RCC1L: variants seen among roughly 807,000 people sequenced by gnomAD.
RCC1L encodes RCC1 like, also known as RCC1-like G exchanging factor-like protein.
RCC1L carries 46 observed loss-of-function variants against 58.6 expected under a neutral mutation model. The observed-to-expected ratio is 0.79, with a 90% CI of 0.62 to 1.00. The LOEUF is 1.00. Ranked by LOEUF, RCC1L falls within the 50% of genes least tolerant of loss-of-function variation. RCC1L has a pLI of 0.00. For missense variants in RCC1L, 636 were observed against 623.6 expected (o/e 1.02, Z -0.21); for synonymous variants, 281 against 262.9 (o/e 1.07, Z -0.67).
chr7:75,041,953 C>T (rs2131975314), downstream of RCC1L, among the ~76,000 whole-genome samples: 1 of 151,990 alleles, frequency 6.6e-6, no homozygotes, highest in Admixed American at 6.6e-5. Flanking sequence ...CACGGTAGCT[C>T]ACACCTATAA....
At position 75,062,498 on chromosome 7, in the gene RCC1L, A is replaced by G. The variant is rs1584500618; in HGVS notation, c.702+794T>C. Among the ~76,000 whole-genome samples, 5 of 152,148 alleles carry G rather than the reference A, an allele frequency of 3.3e-5. No individual in the cohort carries two copies. The South Asian group carries it at 8.3e-4, about 25-fold the overall frequency. On this transcript the variant is annotated intron_variant, in intron 5 of 10. Coordinates refer to ENST00000610322, the MANE Select transcript of RCC1L (RefSeq NM_030798.5). ...ATTCCAGCCTAGGCAACAGAATGAG[A>G]CCCTGCCTCTAAAAAATTTCCAAAT...
At chr7:75,051,317 C>T (rs1232633430) in intron 10 of RCC1L, among the ~76,000 whole-genome samples, 2 of 148,356 alleles carry the variant, frequency 1.3e-5, no homozygotes, top group African/African-American at 2.5e-5. Flanking sequence ...TATATACACA[C>T]ATATATACAC....
At position 75,042,392 on chromosome 7, in the gene RCC1L, GCTT is replaced by G. The variant is rs1389213641; in HGVS notation, c.*637_*639del. The stretch of plus-strand genomic sequence containing the variant: ...TTGGCCTCGATTCTCTTCCTGAGGG[GCTT>G]CTTAACTTTTCCAAGCCAGGCAGTG... On this transcript the variant is annotated 3_prime_UTR_variant, in exon 11 of 11. Coordinates refer to ENST00000610322, the MANE Select transcript of RCC1L (RefSeq NM_030798.5). 2.3e-5 allele frequency: 23 copies of G among 985,922 alleles called. No individual in the cohort carries two copies. The highest frequency in any genetic ancestry group is 2.6e-5 in the Non-Finnish European group (22 of 830,382). 61.1% of individuals were successfully genotyped at this position (985,922 alleles called of 1,614,324 possible). A position where few individuals can be genotyped will look rare whatever the true frequency, so the allele number is the denominator to read the frequency against.
In RCC1L at chr7:75,071,768, C is replaced by T. The variant is rs587736032; in HGVS notation, c.325-999G>A. On this transcript the variant is annotated intron_variant, in intron 1 of 10. Coordinates refer to ENST00000610322, the MANE Select transcript of RCC1L (RefSeq NM_030798.5). ...CAACTGTGTGATCTGAGATAGATTA[C>T]TTTACCTCTATATCTGTTTCTCCTT... Among the ~76,000 whole-genome samples the T allele has an allele frequency of 2.0e-5, 3 of 152,246 alleles. No homozygotes were observed. The East Asian group carries it at 5.8e-4, about 29-fold the overall frequency.
At chr7:75,029,749 G>A (rs1433958933) in intron 10 of RCC1L, among the ~76,000 whole-genome samples, 1 of 152,198 alleles carries the variant, frequency 6.6e-6, no homozygotes, top group Non-Finnish European at 1.5e-5. Context: ...GAGCATTGGA[G>A]ACATTGGTTA....
chr7:75,031,293 G>A (rs1805296812), intron 10 of RCC1L, among the ~76,000 whole-genome samples: 1 of 152,094 alleles, frequency 6.6e-6, no homozygotes, highest in Non-Finnish European at 1.5e-5. Flanking sequence ...TGGCGTGCCC[G>A]GGTCACCAGC....
At chr7:75,047,678 C>T (rs1158286849) in intron 10 of RCC1L, among the ~76,000 whole-genome samples, 1 of 151,436 alleles carries the variant, frequency 6.6e-6, no homozygotes, top group Non-Finnish European at 1.5e-5. Flanking sequence ...GACAGAGTAT[C>T]ACTCTGTCGC....
intron 10 of RCC1L, among the ~76,000 whole-genome samples, chr7:75,033,498 C>T (rs1274943379): frequency 1.3e-5 from 2 of 152,026 alleles, no homozygotes; most frequent in Non-Finnish European, 2.9e-5. Flanking sequence ...GGTTCGAGAC[C>T]AGCCTGGCCA....
At chr7:75,058,278 C>T (rs1391170356) in intron 7 of RCC1L, 1 of 365,896 alleles carries the variant, frequency 2.7e-6, no homozygotes, top group Non-Finnish European at 5.2e-6. Flanking sequence ...GCTCTGTCAC[C>T]CAGGCTGGAA....
At chr7:75,066,246 T>C (rs1275427762) in intron 3 of RCC1L, among the ~76,000 whole-genome samples, 1 of 151,838 alleles carries the variant, frequency 6.6e-6, no homozygotes, top group Non-Finnish European at 1.5e-5. Flanking sequence ...GGTCAGGAGA[T>C]TGAGACCATC....
At chr7:75,032,967 G>A (rs1805344883) in intron 10 of RCC1L, among the ~76,000 whole-genome samples, 1 of 151,122 alleles carries the variant, frequency 6.6e-6, no homozygotes, top group African/African-American at 2.4e-5. Context: ...AGCTACTTGG[G>A]AGGCTGAGGC....
chr7:75,072,889 ATGATGACACCAC>A (rs1391722183), intron 1 of RCC1L, among the ~76,000 whole-genome samples: 1 of 152,178 alleles, frequency 6.6e-6, no homozygotes, highest in Non-Finnish European at 1.5e-5. Context: ...GCAGTGAGCT[ATGATGACACCAC>A]TGCACTCCAG....
chr7:75,068,312 C>T (rs1360763440), intron 2 of RCC1L, among the ~76,000 whole-genome samples: 3 of 117,934 alleles, frequency 2.5e-5, no homozygotes, highest in Non-Finnish European at 5.1e-5. Context: ...GAGAGTGAAA[C>T]TCTGACTCAA....
At chr7:75,029,254 C>G (rs1206102828) in intron 10 of RCC1L, among the ~76,000 whole-genome samples, 1 of 152,178 alleles carries the variant, frequency 6.6e-6, no homozygotes, top group Non-Finnish European at 1.5e-5. Flanking sequence ...CCCTGGGCCC[C>G]TTTCTGAGCC....
rs587730002 is a variant in RCC1L at position 75,055,635 on chromosome 7, C to T, written c.1231+266G>A. 1.4e-4 allele frequency: 68 copies of T among 493,606 alleles called. No homozygotes were observed. In the East Asian group the frequency reaches 2.2e-3, roughly 16 times the overall value. The allele number at this position is 493,606 out of a possible 1,614,324, so 30.6% of individuals were successfully genotyped here. A position where few individuals can be genotyped will look rare whatever the true frequency, so the allele number is the denominator to read the frequency against. On this transcript the variant is annotated intron_variant, in intron 9 of 10. Coordinates refer to ENST00000610322, the MANE Select transcript of RCC1L (RefSeq NM_030798.5). ...TAGCAATGCCCCTTCCTACCACCGACGGGTGCTCTCTTGAGAAAATGCACG... is the reference window on the plus strand; with the variant it reads ...TAGCAATGCCCCTTCCTACCACCGATGGGTGCTCTCTTGAGAAAATGCACG...
chr7:75,067,352 C>T (rs587597478), intron 2 of RCC1L, among the ~76,000 whole-genome samples: 91 of 146,736 alleles, frequency 6.2e-4, no homozygotes, highest in Middle Eastern at 4.1e-3. Context: ...AAATCTTGGC[C>T]GGGCAGTGGC....
chr7:75,044,399 G>A (rs1266186538), intron 10 of RCC1L, among the ~76,000 whole-genome samples: 1 of 151,554 alleles, frequency 6.6e-6, no homozygotes, highest in African/African-American at 2.4e-5. Flanking sequence ...AGGAGTTCAA[G>A]ACCAGCCTGG....
In RCC1L at chr7:75,073,638, T is replaced by A. The variant is rs1806857562; in HGVS notation, c.100A>T (p.Ser34Cys). 1 of 1,485,534 alleles carries A rather than the reference T, an allele frequency of 6.7e-7. No individual in the cohort carries two copies. Among genetic ancestry groups the A allele is most frequent in the Admixed American group, 2.3e-5 (1 of 42,850 alleles). 92.0% of individuals were successfully genotyped at this position (1,485,534 alleles called of 1,614,324 possible). Residue 34 changes from serine (S) to cysteine (C), a missense_variant, in exon 1 of 11, where the codon AGC (serine) becomes TGC (cysteine). Transcript: ENST00000610322. ...GHWTAAGRSR[S>C]RREAAEAEAE... ...TCGGCTTCTGCCGCTTCGCGCCGGC[T>A]CCGGGAGCGCCCGGCCGCCGTCCAG... is the stretch of plus-strand genomic sequence containing the variant.
intron 1 of RCC1L, among the ~76,000 whole-genome samples, chr7:75,073,052 C>G (rs1451053205): frequency 6.6e-6 from 1 of 152,200 alleles, no homozygotes; most frequent in Non-Finnish European, 1.5e-5. Flanking sequence ...CATCAGAACT[C>G]CTGCAGTCAC....
Sources: allele counts gnomAD v4.1 joint callset (sites outside exome capture counted in the v4.1 genomes callset), GRCh38; gene constraint gnomAD v4.1.1; transcripts MANE v1.5; gene names NCBI Gene and HGNC (gene_info 2026-07-23, HGNC 2026-07-21).